BTN3A3: variants seen among roughly 807,000 people sequenced by gnomAD.
BTN3A3 encodes butyrophilin subfamily 3 member A3, also known as butyrophilin 3.
In BTN3A3, 39 loss-of-function variants were observed where a neutral mutation model predicts 43.2. The ratio of observed to expected loss-of-function variants is 0.90; its 90% CI spans 0.70 to 1.18. BTN3A3 has a LOEUF of 1.18. Ranked by LOEUF, BTN3A3 falls within the 50% of genes most tolerant of loss-of-function variation. BTN3A3 has a pLI of 0.00. For missense variants in BTN3A3, 631 were observed against 722.8 expected (o/e 0.87, Z 1.46); for synonymous variants, 255 against 272.7 (o/e 0.93, Z 0.64).
At chr6:26,446,078 G>T in intron 5 of BTN3A3, 93 bp downstream of exon 5, 1 of 1,556,508 alleles carries the variant, frequency 6.4e-7, no homozygotes, top group Non-Finnish European at 8.7e-7. Context: ...AGTCTCTGCG[G>T]TCAACCTGGG....
rs777550042 is a variant in BTN3A3, at chr6:26,452,075, G to T, written c.1419G>T (p.Ser473=). The T allele has an allele frequency of 6.2e-7, 1 of 1,614,130 alleles. No individual in the cohort carries two copies. The highest frequency in any genetic ancestry group is 1.1e-5 in the South Asian group (1 of 91,080). ...IFLDYETGEI[S]FYNATDGSHI... ...TGGACTATGAGACTGGAGAGATCTC[G>T]TTCTATAATGCCACAGATGGATCTC... The change falls in exon 11 of 11, where the codon TCG becomes TCT. Residue 473 remains serine, a synonymous_variant. Coordinates refer to ENST00000244519, the MANE Select transcript of BTN3A3 (RefSeq NM_006994.5).
intron 8 of BTN3A3, among the ~76,000 whole-genome samples, 188 bp downstream of exon 8, chr6:26,448,942 A>G (rs571467830): frequency 4.7e-4 from 72 of 152,026 alleles, no homozygotes; most frequent in African/African-American, 1.5e-3. Flanking sequence ...TCTCTCGTCT[A>G]TCTCTCTCTC....
At chr6:26,445,419 CA>C (rs1393082095) in intron 4 of BTN3A3, 4 of 386,386 alleles carry the variant, frequency 1.0e-5, no homozygotes, top group Non-Finnish European at 1.9e-5. Flanking sequence ...GGTCACAAGT[CA>C]ACTCAAGAAA....
At chr6:26,448,066 T>C (rs1284259855) in intron 5 of BTN3A3, among the ~76,000 whole-genome samples, 182 bp from the exon 6 acceptor site, 3 of 152,178 alleles carry the variant, frequency 2.0e-5, no homozygotes, top group Non-Finnish European at 4.4e-5. Flanking sequence ...TAGTAGCTTG[T>C]AGTGAGGGTT....
At chr6:26,442,628 A>C (rs1479709576) in intron 1 of BTN3A3, among the ~76,000 whole-genome samples, 2 of 152,102 alleles carry the variant, frequency 1.3e-5, no homozygotes, top group Admixed American at 6.5e-5. Context: ...AGTTCCTCTA[A>C]ACAGTCTCCT....
chr6:26,450,487 T>A (rs1241186147), intron 10 of BTN3A3, among the ~76,000 whole-genome samples: 1 of 152,178 alleles, frequency 6.6e-6, no homozygotes, highest in East Asian at 1.9e-4. Context: ...ACTTTGCACT[T>A]CCCAGGCTTC....
At chr6:26,451,533 A>T in intron 10 of BTN3A3, 142 bp from the exon 11 acceptor site, 1 of 1,444,912 alleles carries the variant, frequency 6.9e-7, no homozygotes, top group Non-Finnish European at 9.1e-7. Context: ...CATGACATTG[A>T]TGAGAGAGTC....
intron 9 of BTN3A3, 143 bp from the exon 10 acceptor site, chr6:26,449,964 C>A: frequency 1.0e-6 from 1 of 1,000,790 alleles, no homozygotes; most frequent in African/African-American, 1.6e-5. Context: ...CACCTCTGAT[C>A]TATCAGAGCT....
At position 26,451,071 on chromosome 6, in the gene BTN3A3, C is replaced by G. The variant is rs143630975; in HGVS notation, c.1019-604C>G. 9.3e-4 allele frequency among the ~76,000 whole-genome samples: 141 copies of G among 152,248 alleles called. 2 individuals are homozygous for G. In the South Asian group the frequency reaches 0.024, roughly 26 times the overall value. ...AGAAGAGGGTGGAAAAAGCTGAAGGCTGGAGAGTGAATCTGGGGCCCCTCA... is the reference window on the plus strand; with the variant it reads ...AGAAGAGGGTGGAAAAAGCTGAAGGGTGGAGAGTGAATCTGGGGCCCCTCA... On this transcript the variant is annotated intron_variant, in intron 10 of 10. Transcript: ENST00000244519.
At chr6:26,444,711 T>G in intron 4 of BTN3A3, 1 of 310,012 alleles carries the variant, frequency 3.2e-6, no homozygotes. Context: ...CTGCCAGTGT[T>G]TTCCAATCAG....
Position 26,452,515 on chromosome 6 carries a change from T to C in BTN3A3, c.*104T>C. 7.8e-6 allele frequency: 8 copies of C among 1,019,612 alleles called. No homozygotes were observed. The highest frequency in any genetic ancestry group is 2.6e-5 in the East Asian group (1 of 38,196). 63.2% of individuals were successfully genotyped at this position (1,019,612 alleles called of 1,614,324 possible). ...TGGGGTGCAGAAAGGTGAATTAACT[T>C]TACAAAGTAGACATGACAAGTGAAC... On this transcript the variant is annotated 3_prime_UTR_variant, in exon 11 of 11. Transcript: ENST00000244519.
intron 9 of BTN3A3, 126 bp from the exon 10 acceptor site, chr6:26,449,981 G>T: frequency 8.7e-7 from 1 of 1,153,634 alleles, no homozygotes; most frequent in Non-Finnish European, 1.3e-6. Context: ...AGCTGTAGAG[G>T]AAGGAAGCTG....
intron 10 of BTN3A3, among the ~76,000 whole-genome samples, chr6:26,451,079 T>C (rs1460225513): frequency 6.6e-6 from 1 of 151,530 alleles, no homozygotes; most frequent in East Asian, 1.9e-4. Context: ...GGCTGGAGAG[T>C]GAATCTGGGG....
At chr6:26,447,393 C>T (rs1199418749) in intron 5 of BTN3A3, among the ~76,000 whole-genome samples, 1 of 152,152 alleles carries the variant, frequency 6.6e-6, no homozygotes, top group Non-Finnish European at 1.5e-5. Context: ...GACAGAGTCT[C>T]ACTCTGTCAC....
rs1762766395 is a variant in BTN3A3 at position 26,445,918 on chromosome 6, G to A, written c.648G>A (p.Gly216=). The A allele has an allele frequency of 1.9e-6, 3 of 1,614,056 alleles. No individual in the cohort carries two copies. Among genetic ancestry groups the A allele is most frequent in the Admixed American group, 1.7e-5 (1 of 60,010 alleles). The change falls in exon 5 of 11, where the codon GGG becomes GGA. Residue 216 remains glycine (G), a synonymous_variant. Coordinates refer to ENST00000244519, the MANE Select transcript of BTN3A3 (RefSeq NM_006994.5). ...TGATCATGAGAGGCAGCTCTGGTGG[G>A]GGTGTATCCTGCATCATCAGAAATT... is the stretch of plus-strand genomic sequence containing the variant. The part of the protein sequence containing the change: ...ASVIMRGSSG[G]GVSCIIRNSL...
intron 5 of BTN3A3, among the ~76,000 whole-genome samples, chr6:26,447,665 G>T (rs1185557912): frequency 2.0e-5 from 3 of 152,142 alleles, no homozygotes; most frequent in Non-Finnish European, 4.4e-5. Flanking sequence ...AGCCCATTAG[G>T]CCCTTTTAAA....
At position 26,445,819 on chromosome 6, in the gene BTN3A3, G is replaced by A. The variant is rs1762762027; in HGVS notation, c.549G>A (p.Lys183=). 6.2e-7 allele frequency: 1 copy of A among 1,614,084 alleles called. No homozygotes were observed. Among genetic ancestry groups the A allele is most frequent in the African/African-American group, 1.3e-5 (1 of 74,924 alleles). The change falls in exon 5 of 11, where the codon AAG becomes AAA. Residue 183 remains lysine, a synonymous_variant. Coordinates refer to ENST00000244519, the MANE Select transcript of BTN3A3 (RefSeq NM_006994.5). ...PQPQIKWSDT[K]GENIPAVEAP... is the part of the protein sequence containing the mutation. ...CCCAAATAAAGTGGAGCGACACCAA[G>A]GGAGAGAACATCCCGGCTGTGGAAG... is the stretch of plus-strand genomic sequence containing the variant.
At chr6:26,449,561 A>C in intron 8 of BTN3A3, 101 bp from the exon 9 acceptor site, 1 of 1,264,002 alleles carries the variant, frequency 7.9e-7, no homozygotes, top group South Asian at 1.3e-5. Flanking sequence ...GAAGAGTGGA[A>C]TGGTCAAAAA....
chr6:26,448,929 C>G (rs943438581), intron 8 of BTN3A3, among the ~76,000 whole-genome samples, 175 bp downstream of exon 8: 1 of 152,014 alleles, frequency 6.6e-6, no homozygotes, highest in African/African-American at 2.4e-5. Flanking sequence ...GAAGGAGTCT[C>G]TCTCTCTCGT....
Sources: gnomAD v4.1 joint callset for allele counts (sites outside exome capture counted in the v4.1 genomes callset) on GRCh38, gnomAD v4.1.1 for gene constraint, MANE v1.5 for transcripts, NCBI Gene and HGNC (gene_info 2026-07-23, HGNC 2026-07-21) for gene names.